Variants in RTN1 observed in about 807,000 individuals in gnomAD.
RTN1 encodes reticulon 1.
A neutral mutation model predicts 65.5 loss-of-function variants in RTN1; 25 were observed. The ratio of observed to expected loss-of-function variants is 0.38; its 90% confidence interval spans 0.28 to 0.53. RTN1 has a LOEUF of 0.53. Among genes scored for constraint, RTN1 ranks in the 20% least tolerant of loss-of-function variants. RTN1 has a pLI of 0.79. For missense variants in RTN1, 983 were observed against 1,025.4 expected (o/e 0.96, Z 0.57); for synonymous variants, 471 against 447.6 (o/e 1.05, Z -0.66).
intron 3 of RTN1, among the ~76,000 whole-genome samples, chr14:59,685,646 T>C (rs1291937138): frequency 5.9e-5 from 9 of 152,036 alleles, no homozygotes; most frequent in Admixed American, 5.9e-4. Flanking sequence ...CTGTAAAACA[T>C]TGATGAAAGA....
In RTN1 at chr14:59,825,841, C is replaced by A. The variant is rs967863346; in HGVS notation, c.241+44549G>T. On this transcript the variant is annotated intron_variant, in intron 1 of 8. Transcript: ENST00000267484. This position sits in a 1 kb window ranked among gnomAD's most constrained non-coding sequence, Gnocchi z 4.2. ...GTCTCAAAGTTACTTAGTGACTGAA[C>A]TCAGACCAGGAGCCTATAACCTCGT... Among the ~76,000 whole-genome samples, 1 of 152,198 alleles carries A rather than the reference C, an allele frequency of 6.6e-6. No individual in the cohort carries two copies. Among genetic ancestry groups the A allele is most frequent in the Non-Finnish European group, 1.5e-5 (1 of 68,032 alleles).
At chr14:59,780,372 T>G (rs1886131444) in intron 1 of RTN1, among the ~76,000 whole-genome samples, 1 of 152,212 alleles carries the variant, frequency 6.6e-6, no homozygotes, top group Admixed American at 6.5e-5. Flanking sequence ...TGAGGGTATA[T>G]GTCAAATATT....
At chr14:59,856,331 C>T (rs1445158697) in intron 1 of RTN1, among the ~76,000 whole-genome samples, 1 of 152,146 alleles carries the variant, frequency 6.6e-6, no homozygotes, top group Non-Finnish European at 1.5e-5. Flanking sequence ...CCCACAAGCC[C>T]ACAGGGCCAG....
chr14:59,647,681 T>G (rs1401248865), intron 3 of RTN1, among the ~76,000 whole-genome samples: 1 of 152,222 alleles, frequency 6.6e-6, no homozygotes, highest in African/African-American at 2.4e-5. Flanking sequence ...TGCTCCTGAA[T>G]GGCTTTTGGG....
At chr14:59,801,156 A>C (rs1400841385) in intron 1 of RTN1, among the ~76,000 whole-genome samples, 1 of 152,224 alleles carries the variant, frequency 6.6e-6, no homozygotes, top group Admixed American at 6.5e-5. Flanking sequence ...AATACAAGGT[A>C]GAGCAAAAAT....
At chr14:59,784,464 T>C (rs995459860) in intron 1 of RTN1, among the ~76,000 whole-genome samples, 1 of 151,524 alleles carries the variant, frequency 6.6e-6, no homozygotes, top group African/African-American at 2.4e-5. Flanking sequence ...AAAAAAATTG[T>C]CCTATCATTT....
chr14:59,740,268 C>G (rs964330039), intron 2 of RTN1, among the ~76,000 whole-genome samples: 1 of 152,182 alleles, frequency 6.6e-6, no homozygotes, highest in Non-Finnish European at 1.5e-5. Context: ...ATTTTTACAA[C>G]AGTGGCTCTT....
At chr14:59,750,111 T>TCTATAATATATATATTATATATTATAG (rs1566713121) in intron 1 of RTN1, among the ~76,000 whole-genome samples, 6 of 65,234 alleles carry the variant, frequency 9.2e-5, no homozygotes, top group African/African-American at 4.9e-4. Context: ...TTATATATTA[T>TCTATAATATATATATTATATATTATAG]ATATAATATA....
At chr14:59,644,690 AG>A in intron 3 of RTN1, among the ~76,000 whole-genome samples, 1 of 152,352 alleles carries the variant, frequency 6.6e-6, no homozygotes, top group East Asian at 1.9e-4. Flanking sequence ...TTGGAAGTCT[AG>A]CTAGCCACCG....
rs761913337 is a variant in RTN1, at chr14:59,870,485, G to C, written c.146C>G (p.Pro49Arg). 1 of 1,466,362 alleles carries C rather than the reference G, an allele frequency of 6.8e-7. No homozygotes were observed. Among genetic ancestry groups the C allele is most frequent in the Non-Finnish European group, 9.0e-7 (1 of 1,116,310 alleles). The allele number at this position is 1,466,362 out of a possible 1,614,324, so 90.8% of individuals were successfully genotyped here. The change falls in exon 1 of 9, where the codon CCG becomes CGG. Residue 49 changes from proline (P) to arginine (R), a missense_variant. Around this residue, in one of 2 missense-constraint regions of RTN1, gnomAD observed 818 missense variants for 801.8 expected, o/e 1.02. Coordinates refer to ENST00000267484, the MANE Select transcript of RTN1 (RefSeq NM_021136.3). The surrounding 1 kb of genome is among the most constrained non-coding windows in gnomAD (Gnocchi z 5.1). ...TPAPQAGEPS[P>R]GLGARAREAA... ...TTCCCGGGCCCTGGCGCCCAACCCC[G>C]GGCTGGGCTCCCCAGCCTGCGGCGC...
Position 59,630,780 on chromosome 14 carries a change from A to G in RTN1, c.1766-23288T>C, listed in dbSNP as rs923812753. On this transcript the variant is annotated intron_variant, in intron 3 of 8. Coordinates refer to ENST00000267484, the MANE Select transcript of RTN1 (RefSeq NM_021136.3). ...CGCGACAGCGTTGGCTGGGCTGCCC[A>G]AGGGTGCTACCCTGGAGACGGGTAA... 6 of 1,058,528 alleles carry G rather than the reference A, an allele frequency of 5.7e-6. No individual in the cohort carries two copies. The African/African-American group carries it at 8.4e-5, about 15-fold the overall frequency. 65.6% of individuals were successfully genotyped at this position (1,058,528 alleles called of 1,614,324 possible).
At chr14:59,746,730 T>C (rs893055089) in intron 1 of RTN1, among the ~76,000 whole-genome samples, 18 of 152,140 alleles carry the variant, frequency 1.2e-4, no homozygotes, top group African/African-American at 4.1e-4. Context: ...ACCAGATAAG[T>C]TGGGGACAGA....
At chr14:59,649,013 C>T (rs1019122708) in intron 3 of RTN1, among the ~76,000 whole-genome samples, 1 of 152,124 alleles carries the variant, frequency 6.6e-6, no homozygotes, top group African/African-American at 2.4e-5. Flanking sequence ...TTACTTATGA[C>T]AAGGCTAGAG....
Position 59,868,775 on chromosome 14 carries a change from T to C in RTN1, c.241+1615A>G, listed in dbSNP as rs1370552274. On this transcript the variant is annotated intron_variant, in intron 1 of 8. Transcript: ENST00000267484. This position sits in a 1 kb window ranked among gnomAD's most constrained non-coding sequence, Gnocchi z 4.0. ...CTAATAGGAGGTGGGTAATGTTTCA[T>C]AAAGAAACAATTTACTTTGATTACA... Among the ~76,000 whole-genome samples the C allele has an allele frequency of 6.6e-6, 1 of 152,222 alleles. No homozygotes were observed. The highest frequency in any genetic ancestry group is 1.5e-5 in the Non-Finnish European group (1 of 68,030).
rs115487313 is a variant in RTN1 at position 59,796,182 on chromosome 14, A to G, written c.242-49701T>C. On this transcript the variant is annotated intron_variant, in intron 1 of 8. Transcript: ENST00000267484. ...CACAAATACTTATCAGTATTTTATGACTGCCTACAGTATTCAATACAGTAA... is the reference window on the plus strand; with the variant it reads ...CACAAATACTTATCAGTATTTTATGGCTGCCTACAGTATTCAATACAGTAA... Among the ~76,000 whole-genome samples, 369 of 152,318 alleles carry G rather than the reference A, an allele frequency of 2.4e-3. 1 individual carries two copies. Among genetic ancestry groups the G allele is most frequent in the African/African-American group, 8.6e-3 (358 of 41,570 alleles).
rs1368232562 is a variant in RTN1 at position 59,607,010 on chromosome 14, T to C, written c.1973+275A>G. 1.3e-5 allele frequency among the ~76,000 whole-genome samples: 2 copies of C among 152,248 alleles called. 1 individual carries two copies. The highest frequency in any genetic ancestry group is 2.9e-5 in the Non-Finnish European group (2 of 68,056). ...GCCTGCTGTGCCTTTCTGATATTGC[T>C]GAGAGGATTAAGTAATTGTTGGATT... On this transcript the variant is annotated intron_variant, in intron 4 of 8. Transcript: ENST00000267484.
intron 8 of RTN1, among the ~76,000 whole-genome samples, chr14:59,601,158 G>A (rs746979372): frequency 2.0e-5 from 3 of 152,058 alleles, no homozygotes; most frequent in Non-Finnish European, 4.4e-5. Flanking sequence ...TTGATCTTTC[G>A]ACTCAGTTAA....
intron 3 of RTN1, among the ~76,000 whole-genome samples, chr14:59,689,539 ATCTTAAAG>A (rs1883914613): frequency 6.6e-6 from 1 of 152,194 alleles, no homozygotes. Context: ...TAAAGAAAAA[ATCTTAAAG>A]CCAGCTGGAA....
intron 1 of RTN1, among the ~76,000 whole-genome samples, chr14:59,773,191 T>C (rs1885989904): frequency 6.6e-6 from 1 of 152,148 alleles, no homozygotes; most frequent in Non-Finnish European, 1.5e-5. Context: ...CCAAAGATAG[T>C]AAAATCTAAA....
Sources: gnomAD v4.1 joint callset for allele counts (sites outside exome capture counted in the v4.1 genomes callset) on GRCh38, gnomAD v4.1.1 for gene constraint, gnomAD v4.1.1 regional missense constraint, Gnocchi (gnomAD v3.1) non-coding constraint, MANE v1.5 for transcripts, NCBI Gene and HGNC (gene_info 2026-07-23, HGNC 2026-07-21) for gene names.